TMCC1: variants seen among roughly 807,000 people sequenced by gnomAD.
TMCC1 encodes transmembrane and coiled-coil domains protein 1.
A neutral mutation model predicts 52.4 loss-of-function variants in TMCC1; 15 were observed. The observed-to-expected ratio is 0.29, with a 90% CI of 0.19 to 0.44. The LOEUF is 0.44. TMCC1 is among the 20% of genes least tolerant of loss of function. The probability of loss-of-function intolerance (pLI) is 1.00; values close to 1 mark genes in which losing one functional copy is unlikely to be tolerated. For synonymous variants in TMCC1, 279 were observed against 301.9 expected (o/e 0.92, Z 0.79); for missense variants, 503 against 806.0 (o/e 0.62, Z 4.55).
At chr3:129,699,769 A>G (rs543600254) in intron 4 of TMCC1, among the ~76,000 whole-genome samples, 1 of 152,184 alleles carries the variant, frequency 6.6e-6, no homozygotes, top group East Asian at 1.9e-4. Flanking sequence ...CAAAACTAAC[A>G]ACAGCAAAAA....
At chr3:129,669,638 G>A (rs2087756797) in intron 5 of TMCC1, among the ~76,000 whole-genome samples, 2 of 152,042 alleles carry the variant, frequency 1.3e-5, no homozygotes, top group Admixed American at 6.5e-5. Context: ...TTCTCCAGAC[G>A]AGAATATTAT....
intron 2 of TMCC1, among the ~76,000 whole-genome samples, chr3:129,861,382 G>C (rs1307695561): frequency 1.3e-5 from 2 of 152,148 alleles, no homozygotes. Context: ...AGAGGTTTCA[G>C]TGAGCCGAGA....
chr3:129,732,554 T>C (rs1475919412), intron 4 of TMCC1, among the ~76,000 whole-genome samples: 1 of 152,220 alleles, frequency 6.6e-6, no homozygotes, highest in East Asian at 1.9e-4. Flanking sequence ...AATCTCCCAG[T>C]ACTTTCTAGG....
intron 4 of TMCC1, among the ~76,000 whole-genome samples, chr3:129,678,030 G>A (rs546270083): frequency 2.0e-5 from 3 of 151,674 alleles, no homozygotes; most frequent in East Asian, 2.0e-4. Flanking sequence ...GGGTTCAAGC[G>A]ATTCTCATGC....
intron 4 of TMCC1, among the ~76,000 whole-genome samples, chr3:129,755,778 G>C (rs1304643771): frequency 6.6e-6 from 1 of 152,216 alleles, no homozygotes; most frequent in Non-Finnish European, 1.5e-5. Context: ...TTTGTTACTA[G>C]TGGGAATACA....
At chr3:129,792,445 T>TCAAGCGATTCTCCTGCGTC (rs2056541032) in intron 4 of TMCC1, among the ~76,000 whole-genome samples, 1 of 151,980 alleles carries the variant, frequency 6.6e-6, no homozygotes, top group Non-Finnish European at 1.5e-5. Flanking sequence ...CCTCCTGGGT[T>TCAAGCGATTCTCCTGCGTC]CAAGCGATTC....
intron 4 of TMCC1, among the ~76,000 whole-genome samples, chr3:129,675,623 T>C (rs1048754624): frequency 1.3e-5 from 2 of 152,136 alleles, no homozygotes; most frequent in Non-Finnish European, 2.9e-5. Flanking sequence ...AAGAGATACG[T>C]AAAGAGTGAA....
In TMCC1 at chr3:129,648,818, A is replaced by C. The variant is rs544318702; in HGVS notation, c.*2663T>G. The C allele has an allele frequency of 2.6e-5, 4 of 152,388 alleles. No homozygotes were observed. In the South Asian group the frequency reaches 8.3e-4, roughly 32 times the overall value. The allele number at this position is 152,388 out of a possible 1,614,324, so 9.4% of individuals were successfully genotyped here. A position where few individuals can be genotyped will look rare whatever the true frequency, so the allele number is the denominator to read the frequency against. On this transcript the variant is annotated 3_prime_UTR_variant, in exon 7 of 7. Coordinates refer to ENST00000393238, the MANE Select transcript of TMCC1 (RefSeq NM_001017395.5). Reference sequence around the variant, plus strand: ...ACCCAAGAACAACCACAATGAAAGAAACTCAAAAGTAACAGGATGGGCAGC... The same window carrying C: ...ACCCAAGAACAACCACAATGAAAGACACTCAAAAGTAACAGGATGGGCAGC...
At chr3:129,848,950 G>C (rs1345426911) in intron 2 of TMCC1, among the ~76,000 whole-genome samples, 3 of 151,802 alleles carry the variant, frequency 2.0e-5, no homozygotes, top group African/African-American at 7.3e-5. Context: ...CCAAAATGGA[G>C]ATAAAAATAT....
intron 4 of TMCC1, among the ~76,000 whole-genome samples, chr3:129,778,632 CAT>C (rs1165822042): frequency 2.7e-5 from 4 of 145,764 alleles, no homozygotes; most frequent in Admixed American, 2.1e-4. Flanking sequence ...GTAATCCCCA[CAT>C]GTTAGGGGAG....
intron 2 of TMCC1, among the ~76,000 whole-genome samples, chr3:129,843,145 G>A (rs1237520112): frequency 6.6e-6 from 1 of 152,100 alleles, no homozygotes; most frequent in East Asian, 1.9e-4. Flanking sequence ...AGGAGATCGA[G>A]ACCATCCCAG....
rs372607827 is a variant in TMCC1, at chr3:129,797,684, G to A, written c.576+30119C>T. On this transcript the variant is annotated intron_variant, in intron 4 of 6. Coordinates refer to ENST00000393238, the MANE Select transcript of TMCC1 (RefSeq NM_001017395.5). ...CACTCGAGTATGGGAGGTGGGAGCT[G>A]CAGTGAGCCAAGATCATGCCACTGC... Among the ~76,000 whole-genome samples the A allele has an allele frequency of 4.6e-5, 7 of 152,022 alleles. No homozygotes were observed. In the East Asian group the frequency reaches 1.2e-3, roughly 25 times the overall value.
intron 4 of TMCC1, among the ~76,000 whole-genome samples, chr3:129,698,684 TTTAG>T (rs2047591594): frequency 6.6e-6 from 1 of 152,224 alleles, no homozygotes; most frequent in Admixed American, 6.5e-5. Context: ...AAAGTAATTG[TTTAG>T]TTAGAGTTAG....
At chr3:129,876,374 C>T (rs1179893760) in intron 2 of TMCC1, among the ~76,000 whole-genome samples, 1 of 151,744 alleles carries the variant, frequency 6.6e-6, no homozygotes, top group East Asian at 1.9e-4. Context: ...ATTTAAAGTG[C>T]CTTTCAGCCC....
intron 4 of TMCC1, among the ~76,000 whole-genome samples, chr3:129,758,180 T>C (rs549003869): frequency 6.6e-6 from 1 of 152,332 alleles, no homozygotes; most frequent in African/African-American, 2.4e-5. Flanking sequence ...ACATGTATAC[T>C]GTGGATAAAC....
rs1211284909 is a variant in TMCC1 at position 129,786,012 on chromosome 3, G to A, written c.576+41791C>T. Among the ~76,000 whole-genome samples, 5 of 144,004 alleles carry A rather than the reference G, an allele frequency of 3.5e-5. No individual in the cohort carries two copies. In the Admixed American group the frequency reaches 3.6e-4, roughly 11 times the overall value. The allele number at this position is 144,004 out of a possible 152,430, so 94.5% of individuals were successfully genotyped here. A position where few individuals can be genotyped will look rare whatever the true frequency, so the allele number is the denominator to read the frequency against. On this transcript the variant is annotated intron_variant, in intron 4 of 6. Coordinates refer to ENST00000393238, the MANE Select transcript of TMCC1 (RefSeq NM_001017395.5). ...TATAGTGGCGCGATGTTGGCTCACT[G>A]CAATCTTCGCCTTCTAGGTTCAAGT...
intron 2 of TMCC1, among the ~76,000 whole-genome samples, chr3:129,865,002 C>T (rs942735155): frequency 6.6e-6 from 1 of 152,130 alleles, no homozygotes; most frequent in Non-Finnish European, 1.5e-5. Flanking sequence ...CCAACAAACA[C>T]AAAAGATACA....
intron 4 of TMCC1, among the ~76,000 whole-genome samples, chr3:129,739,379 G>C (rs934174116): frequency 1.3e-5 from 2 of 152,048 alleles, no homozygotes; most frequent in African/African-American, 2.4e-5. Flanking sequence ...TGTTGGCCAG[G>C]CTGTCTCAAA....
chr3:129,775,151 T>C (rs189530042), intron 4 of TMCC1, among the ~76,000 whole-genome samples: 1 of 152,162 alleles, frequency 6.6e-6, no homozygotes, highest in Non-Finnish European at 1.5e-5. Context: ...TGTATGCAGA[T>C]AAGAAATTGA....
Sources: allele counts gnomAD v4.1 joint callset (sites outside exome capture counted in the v4.1 genomes callset), GRCh38; gene constraint gnomAD v4.1.1; transcripts MANE v1.5; gene names NCBI Gene and HGNC (gene_info 2026-07-23, HGNC 2026-07-21).